PNPLA6: variants seen among roughly 807,000 people sequenced by gnomAD.
PNPLA6 encodes the protein patatin-like phospholipase domain-containing protein 6.
PNPLA6 carries 105 observed loss-of-function variants against 153.7 expected under a neutral mutation model. The ratio of observed to expected loss-of-function variants is 0.68; its 90% CI spans 0.58 to 0.80. The LOEUF is 0.80. Among genes scored for constraint, PNPLA6 ranks in the 30% least tolerant of loss-of-function variants. The probability of loss-of-function intolerance (pLI) is 0.00; values close to 1 mark genes in which losing one functional copy is unlikely to be tolerated. For missense variants in PNPLA6, 1,423 were observed against 1,919.3 expected (o/e 0.74, Z 4.83); for synonymous variants, 825 against 822.2 (o/e 1.00, Z -0.06).
Position 7,559,137 on chromosome 19 carries a change from T to G in PNPLA6, c.3685T>G (p.Phe1229Val). 6.2e-7 allele frequency: 1 copy of G among 1,614,188 alleles called. No homozygotes were observed. The highest frequency in any genetic ancestry group is 8.5e-7 in the Non-Finnish European group (1 of 1,180,034). The change falls in exon 28 of 32, where the codon TTC (phenylalanine) becomes GTC (valine). Residue 1229 changes from phenylalanine to valine, a missense_variant. Phe to Val is a conservative substitution (Grantham distance 50). Coordinates refer to ENST00000600737, the MANE Select transcript of PNPLA6 (RefSeq NM_001166114.2). ...CTTCAAGACCATGGACTTTGGGAAG[T>G]TCGACCAGATCTATGTGAGTGGGCA... The part of the protein sequence containing the change: ...DCFKTMDFGK[F>V]DQIYDVGYQY...
At position 7,542,879 on chromosome 19, in the gene PNPLA6, G is replaced by A. The variant is rs765659725; in HGVS notation, c.1481G>A (p.Ser494Asn). The change falls in exon 12 of 32, where the codon AGC (serine) becomes AAC (asparagine). Residue 494 changes from serine (S) to asparagine (N), a missense_variant. By Grantham distance (46) the Ser-to-Asn change is conservative. Around this residue, in one of 10 missense-constraint regions of PNPLA6, gnomAD observed 267 missense variants for 255.1 expected, o/e 1.05. Transcript: ENST00000600737. ...CCCTACCAGGGCCGCCAGACCAGCAGCATCTTCGAGGCAGCAAAGCAGGAG... is the reference window on the plus strand; with the variant it reads ...CCCTACCAGGGCCGCCAGACCAGCAACATCTTCGAGGCAGCAAAGCAGGAG... ...FGPYQGRQTS[S>N]IFEAAKQELA... 3 of 1,613,380 alleles carry A rather than the reference G, an allele frequency of 1.9e-6. No individual in the cohort carries two copies. Among genetic ancestry groups the A allele is most frequent in the South Asian group, 2.2e-5 (2 of 91,090 alleles).
chr19:7,546,543 C>T (rs1022675650), intron 13 of PNPLA6, among the ~76,000 whole-genome samples: 1 of 152,134 alleles, frequency 6.6e-6, no homozygotes, highest in Non-Finnish European at 1.5e-5. Context: ...CTGAGGCAGG[C>T]ATAAGCCACT....
intron 13 of PNPLA6, among the ~76,000 whole-genome samples, chr19:7,543,702 C>A (rs2023257230): frequency 1.3e-5 from 2 of 152,188 alleles, no homozygotes; most frequent in Admixed American, 1.3e-4. Flanking sequence ...CACACTCTGT[C>A]CCCAGAGTGT....
chr19:7,551,153 G>A (rs1568416597), intron 17 of PNPLA6, 46 bp downstream of exon 17: 2 of 1,203,148 alleles, frequency 1.7e-6, no homozygotes, highest in African/African-American at 1.5e-5. Flanking sequence ...GCGGGACTCC[G>A]GGGGGGTGGG....
At chr19:7,554,514 C>T (rs2023785181) in intron 20 of PNPLA6, 41 bp from the exon 21 acceptor site, 2 of 1,611,682 alleles carry the variant, frequency 1.2e-6, no homozygotes, top group Admixed American at 1.7e-5. Flanking sequence ...ACACTGACCC[C>T]AGGCCAACCC....
rs2146101890 is a variant in PNPLA6 at position 7,554,660 on chromosome 19, C to T, written c.2571C>T (p.Cys857=). The T allele has an allele frequency of 2.5e-6, 4 of 1,613,986 alleles. No individual in the cohort carries two copies. The highest frequency in any genetic ancestry group is 3.4e-6 in the Non-Finnish European group (4 of 1,180,010). ...CGCTGACGCCCTGGACCGTGCGCTG[C>T]CTGCGACAGGCCGACTGCATCCTCA... The part of the protein sequence containing the change: ...DASLTPWTVR[C]LRQADCILIV... The change falls in exon 21 of 32, where the codon TGC becomes TGT. Residue 857 remains cysteine (C), a synonymous_variant. Transcript: ENST00000600737.
At chr19:7,535,370 C>A, upstream of PNPLA6, 1 of 715,666 alleles carries the variant, frequency 1.4e-6, no homozygotes, top group Non-Finnish European at 2.5e-6. The surrounding 1 kb of genome is among the most constrained non-coding windows in gnomAD (Gnocchi z 5.0). Context: ...GCCCCTCTAG[C>A]CTCGCCCCTG....
intron 26 of PNPLA6, 44 bp downstream of exon 26, chr19:7,556,768 G>A: frequency 7.3e-7 from 1 of 1,369,944 alleles, no homozygotes. Flanking sequence ...GACGCCACGT[G>A]GGGTTGGGGG....
Position 7,558,948 on chromosome 19 carries a change from G to T in PNPLA6, c.3496G>T (p.Gly1166Cys), listed in dbSNP as rs142422525. ...DLSTYGDSLS[G>C]WWLLWKRLNP... ...CAGCACCTACGGGGACAGCCTGTCCGGCTGGTGGCTGCTGTGGAAGCGGCT... is the reference window on the plus strand; with the variant it reads ...CAGCACCTACGGGGACAGCCTGTCCTGCTGGTGGCTGCTGTGGAAGCGGCT... Residue 1166 changes from glycine (G) to cysteine (C), a missense_variant, in exon 28 of 32, where the codon GGC becomes TGC. Around this residue, in one of 10 missense-constraint regions of PNPLA6, gnomAD observed 643 missense variants for 835.2 expected, o/e 0.77. Transcript: ENST00000600737. 2.5e-6 allele frequency: 4 copies of T among 1,614,076 alleles called. No individual in the cohort carries two copies.
intron 28 of PNPLA6, among the ~76,000 whole-genome samples, chr19:7,559,800 C>T (rs959483274): frequency 4.0e-5 from 6 of 150,796 alleles, no homozygotes; most frequent in African/African-American, 9.8e-5. Context: ...GCTATGATTG[C>T]GTCACTGCAC....
Position 7,554,255 on chromosome 19 carries a change from G to T in PNPLA6, c.2448G>T (p.Gly816=). Residue 816 remains glycine (G), a synonymous_variant, in exon 20 of 32, where the codon GGG becomes GGT. Coordinates refer to ENST00000600737, the MANE Select transcript of PNPLA6 (RefSeq NM_001166114.2). ...LNSDIIRARL[G]ASALDSIQEF... ...GTGACATCATCCGGGCACGCCTGGG[G>T]GCCTCCGCACTGGATAGGTGTGTGT... 5 of 1,614,060 alleles carry T rather than the reference G, an allele frequency of 3.1e-6. No individual in the cohort carries two copies. The highest frequency in any genetic ancestry group is 4.2e-6 in the Non-Finnish European group (5 of 1,179,952).
intron 3 of PNPLA6, among the ~76,000 whole-genome samples, chr19:7,539,635 T>A (rs1029327577): frequency 6.6e-6 from 1 of 151,362 alleles, no homozygotes; most frequent in African/African-American, 2.4e-5. Flanking sequence ...CACATGCCTG[T>A]AATCCCAGCT....
rs781516185 is a variant in PNPLA6, at chr19:7,561,324, G to C, written c.4023+7G>C. On this transcript the variant is annotated splice_region_variant and intron_variant, in intron 31 of 31. Coordinates refer to ENST00000600737, the MANE Select transcript of PNPLA6 (RefSeq NM_001166114.2). The stretch of plus-strand genomic sequence containing the variant: ...CAGCACTGCCTCCGAGATGGTGAGA[G>C]TGGGTGGCCCAGGGTCCCCTCACAT... 1.3e-6 allele frequency: 2 copies of C among 1,589,430 alleles called. No individual in the cohort carries two copies. Among genetic ancestry groups the C allele is most frequent in the East Asian group, 4.5e-5 (2 of 44,340 alleles).
chr19:7,551,150 T>C, intron 17 of PNPLA6, 43 bp downstream of exon 17: 2 of 473,440 alleles, frequency 4.2e-6, no homozygotes, highest in Admixed American at 2.6e-5. Flanking sequence ...GAGGCGGGAC[T>C]CCGGGGGGGT....
chr19:7,549,256 G>C (rs904175015), intron 13 of PNPLA6, among the ~76,000 whole-genome samples: 1 of 141,226 alleles, frequency 7.1e-6, no homozygotes, highest in African/African-American at 2.6e-5. Context: ...GCGCGATCTT[G>C]GCTCATTGCA....
chr19:7,536,177 C>T lies in PNPLA6; in HGVS notation c.233-14C>T. 1 of 1,588,676 alleles carries T rather than the reference C, an allele frequency of 6.3e-7. No homozygotes were observed. The highest frequency in any genetic ancestry group is 8.6e-7 in the Non-Finnish European group (1 of 1,156,864). On this transcript the variant is annotated splice_polypyrimidine_tract_variant and intron_variant, in intron 1 of 31. Transcript: ENST00000600737. ...CACAGAGCTCGGAGTGCCCCTGTCC[C>T]CACCTATCCCCAGAAACCCCAGCCC...
intron 13 of PNPLA6, 142 bp from the exon 14 acceptor site, chr19:7,549,765 C>T (rs2023561914): frequency 1.4e-5 from 11 of 800,596 alleles, no homozygotes; most frequent in Non-Finnish European, 2.3e-5. Flanking sequence ...GGGATTACAG[C>T]CGTGAGCCAC....
upstream of PNPLA6, chr19:7,535,552 TG>T (rs1380254752): frequency 1.2e-6 from 2 of 1,603,924 alleles, no homozygotes; most frequent in Non-Finnish European, 1.7e-6. This position sits in a 1 kb window ranked among gnomAD's most constrained non-coding sequence, Gnocchi z 5.0. Flanking sequence ...AATCAACCGA[TG>T]GAGGCTCCGC....
In PNPLA6 at chr19:7,541,664, C is replaced by A; in HGVS notation, c.1148C>A (p.Ala383Asp). 1.3e-6 allele frequency: 2 copies of A among 1,575,178 alleles called. No individual in the cohort carries two copies. The highest frequency in any genetic ancestry group is 1.7e-6 in the Non-Finnish European group (2 of 1,162,034). The change falls in exon 9 of 32, where the codon GCC (alanine) becomes GAC (aspartate). Residue 383 changes from alanine (A) to aspartate (D), a missense_variant. Physicochemically the swap from Ala to Asp is moderately radical, Grantham distance 126. Coordinates refer to ENST00000600737, the MANE Select transcript of PNPLA6 (RefSeq NM_001166114.2). This position sits in a 1 kb window ranked among gnomAD's most constrained non-coding sequence, Gnocchi z 5.2. Reference sequence around the variant, plus strand: ...GGGCGGCCACCCGATCCCACCGGGGCCCCGCTGCCTGGACCTACAGGTACC... The same window carrying A: ...GGGCGGCCACCCGATCCCACCGGGGACCCGCTGCCTGGACCTACAGGTACC... ...TPGRPPDPTGAPLPGPTGDPV... is the reference protein window; with the variant it reads ...TPGRPPDPTGDPLPGPTGDPV...
Sources: allele counts gnomAD v4.1 joint callset (sites outside exome capture counted in the v4.1 genomes callset), GRCh38; gene constraint gnomAD v4.1.1; regional missense constraint gnomAD v4.1.1; non-coding constraint Gnocchi (gnomAD v3.1); transcripts MANE v1.5; gene names NCBI Gene and HGNC (gene_info 2026-07-23, HGNC 2026-07-21).